Variants in EDNRB observed in about 807,000 individuals in gnomAD.
EDNRB encodes the protein endothelin receptor type B, also known as Hirschsprung disease 2.
Under a neutral mutation model 46.4 loss-of-function variants are expected in EDNRB, and 18 were observed. That is an observed-to-expected ratio of 0.39 (90% CI 0.27 to 0.57). The LOEUF is 0.57. EDNRB is among the 20% of genes least tolerant of loss of function. The probability of loss-of-function intolerance (pLI) is 0.61; values close to 1 mark genes in which losing one functional copy is unlikely to be tolerated. For missense variants in EDNRB, 434 were observed against 537.5 expected, an observed-to-expected ratio of 0.81 and a Z score of 1.90; for synonymous variants, 213 against 204.9, an observed-to-expected ratio of 1.04 and a Z score of -0.34.
chr13:77,935,923 T>A (rs1880548877), intron 1 of EDNRB, among the ~76,000 whole-genome samples: 1 of 152,154 alleles, frequency 6.6e-6, no homozygotes, highest in South Asian at 2.1e-4. Context: ...AAGGCACAGA[T>A]CCTGAACTAA....
chr13:77,899,725 AT>A, intron 6 of EDNRB, 133 bp downstream of exon 6: 4 of 706,912 alleles, frequency 5.7e-6, no homozygotes, highest in Non-Finnish European at 7.0e-6. Context: ...ATTTAAAAAA[AT>A]CATCCATGAT....
chr13:77,954,574 C>T (rs887592107), intron 1 of EDNRB, among the ~76,000 whole-genome samples: 42 of 151,848 alleles, frequency 2.8e-4, no homozygotes, highest in South Asian at 6.2e-4. Context: ...TGTAGTGGCA[C>T]GATCTCGGCT....
At chr13:77,963,465 A>G (rs1340327785) in intron 1 of EDNRB, among the ~76,000 whole-genome samples, 1 of 152,182 alleles carries the variant, frequency 6.6e-6, no homozygotes, top group Admixed American at 6.5e-5. Flanking sequence ...AAATAATACC[A>G]TATATCTACA....
chr13:77,971,830 CT>C (rs1256009797), intron 1 of EDNRB, among the ~76,000 whole-genome samples: 1 of 152,068 alleles, frequency 6.6e-6, no homozygotes, highest in East Asian at 1.9e-4. Flanking sequence ...ATTTTTTCTC[CT>C]TCTTGTTGAT....
At chr13:77,938,162 A>C (rs1439251697) in intron 1 of EDNRB, among the ~76,000 whole-genome samples, 2 of 152,088 alleles carry the variant, frequency 1.3e-5, no homozygotes, top group African/African-American at 2.4e-5. Flanking sequence ...TGGAGGGTGG[A>C]AGGTTGCCCA....
intron 1 of EDNRB, among the ~76,000 whole-genome samples, chr13:77,931,833 T>G (rs905529921): frequency 1.3e-5 from 2 of 148,952 alleles, no homozygotes; most frequent in African/African-American, 5.0e-5. Flanking sequence ...TCAATAGGCA[T>G]AGCAATGAAA....
At chr13:77,928,637 A>G (rs772874295) in intron 1 of EDNRB, among the ~76,000 whole-genome samples, 2 of 152,226 alleles carry the variant, frequency 1.3e-5, no homozygotes, top group Non-Finnish European at 2.9e-5. Flanking sequence ...TGAATTTGCC[A>G]GAAAAATACA....
intron 1 of EDNRB, among the ~76,000 whole-genome samples, chr13:77,932,154 A>G (rs1309461921): frequency 6.6e-6 from 1 of 152,140 alleles, no homozygotes; most frequent in Non-Finnish European, 1.5e-5. Context: ...GCTGCCTCGG[A>G]AGAGGAAGAT....
chr13:77,950,252 T>C (rs1444100810), intron 1 of EDNRB, among the ~76,000 whole-genome samples: 1 of 152,244 alleles, frequency 6.6e-6, no homozygotes, highest in Non-Finnish European at 1.5e-5. Context: ...AGGGAACATG[T>C]ACTCTCACAG....
At chr13:77,938,350 C>A (rs997935498) in intron 1 of EDNRB, among the ~76,000 whole-genome samples, 1 of 148,212 alleles carries the variant, frequency 6.7e-6, no homozygotes, top group Non-Finnish European at 1.5e-5. Context: ...GATAAGAGGT[C>A]GGGGTATGGA....
intron 1 of EDNRB, among the ~76,000 whole-genome samples, chr13:77,940,394 G>C (rs376779523): frequency 6.6e-6 from 1 of 151,760 alleles, no homozygotes; most frequent in East Asian, 1.9e-4. Context: ...ATGTTCTCCA[G>C]GTAAAAATGG....
chr13:77,952,096 T>C (rs192179802), intron 1 of EDNRB, among the ~76,000 whole-genome samples: 1 of 152,254 alleles, frequency 6.6e-6, no homozygotes, highest in Admixed American at 6.5e-5. Flanking sequence ...AAGAGAGGGC[T>C]CTTGGATCTC....
At chr13:77,964,726 A>G (rs1881531194) in intron 1 of EDNRB, among the ~76,000 whole-genome samples, 1 of 152,202 alleles carries the variant, frequency 6.6e-6, no homozygotes. Context: ...ATGTATACAT[A>G]TGTAACAAAC....
chr13:77,939,354 C>T (rs987021247), intron 1 of EDNRB: 2 of 152,246 alleles, frequency 1.3e-5, no homozygotes, highest in African/African-American at 4.8e-5. Flanking sequence ...GATATGATGG[C>T]TTAGCTTGGG....
At chr13:77,942,209 A>G (rs949678758) in intron 1 of EDNRB, among the ~76,000 whole-genome samples, 4 of 152,226 alleles carry the variant, frequency 2.6e-5, no homozygotes, top group Admixed American at 2.0e-4. Flanking sequence ...ATTATTTCAT[A>G]AAGTGCTTCC....
At chr13:77,961,308 A>G (rs1287568012) in intron 1 of EDNRB, among the ~76,000 whole-genome samples, 1 of 152,162 alleles carries the variant, frequency 6.6e-6, no homozygotes, top group Non-Finnish European at 1.5e-5. Context: ...CCTAATAGAC[A>G]TCTACAGAAC....
chr13:77,916,538 C>G (rs1879814788), intron 1 of EDNRB, among the ~76,000 whole-genome samples: 1 of 152,166 alleles, frequency 6.6e-6, no homozygotes, highest in South Asian at 2.1e-4. Context: ...TTAGAGAAAA[C>G]TATATCCTAA....
chr13:77,975,404 G>A (rs1881857534), exon 1 of EDNRB: 1 of 152,376 alleles, frequency 6.6e-6, no homozygotes, highest in African/African-American at 2.4e-5. Flanking sequence ...CAGCCACTGT[G>A]TTGATCCTCC....
chr13:77,903,158 G>C lies in EDNRB; in HGVS notation c.799C>G (p.Gln267Glu). The change falls in exon 3 of 7, where the codon CAG becomes GAG. Residue 267 changes from glutamine (Q) to glutamate (E), a missense_variant and splice_region_variant. By Grantham distance (29) the Gln-to-Glu change is conservative. Coordinates refer to ENST00000646607, the MANE Select transcript of EDNRB (RefSeq NM_001122659.3). The part of the protein sequence containing the change: ...LHPVQKTAFM[Q>E]FYKTAKDWWL... The stretch of plus-strand genomic sequence containing the variant: ...AAAATAAAAAAAGTGAAATTTACCT[G>C]CATGAAAGCTGTCTTCTGAACGGGA... 1 of 1,612,606 alleles carries C rather than the reference G, an allele frequency of 6.2e-7. No homozygotes were observed. Among genetic ancestry groups the C allele is most frequent in the Non-Finnish European group, 8.5e-7 (1 of 1,179,142 alleles).
Sources: gnomAD v4.1 joint callset for allele counts (sites outside exome capture counted in the v4.1 genomes callset) on GRCh38, gnomAD v4.1.1 for gene constraint, MANE v1.5 for transcripts, NCBI Gene and HGNC (gene_info 2026-07-23, HGNC 2026-07-21) for gene names.